Variants in ARFGAP3 observed in about 807,000 individuals in gnomAD.
The protein encoded by ARFGAP3 is ARF GTPase activating protein 3.
In ARFGAP3, 72 loss-of-function variants were observed where a neutral mutation model predicts 75.0. The observed-to-expected ratio is 0.96, with a 90% CI of 0.79 to 1.17. ARFGAP3 has a LOEUF of 1.17. Among genes scored for constraint, ARFGAP3 ranks in the 50% most tolerant of loss-of-function variants. ARFGAP3 has a pLI of 0.00. For synonymous variants in ARFGAP3, 221 were observed against 217.9 expected (o/e 1.01, Z -0.13); for missense variants, 620 against 626.6 (o/e 0.99, Z 0.11).
Position 42,817,843 on chromosome 22 carries a change from C to T in ARFGAP3, c.827G>A (p.Arg276Gln), listed in dbSNP as rs144361548. 39 of 1,606,472 alleles carry T rather than the reference C, an allele frequency of 2.4e-5. No individual in the cohort carries two copies. Among genetic ancestry groups the T allele is most frequent in the South Asian group, 3.3e-5 (3 of 89,854 alleles). The change falls in exon 10 of 16, where the codon CGA becomes CAA. Residue 276 changes from arginine to glutamine, a missense_variant. Arg to Gln is a conservative substitution (Grantham distance 43). Transcript: ENST00000263245. The part of the protein sequence containing the change: ...SKEESIVSSL[R>Q]LAYKDLEIQM... The stretch of plus-strand genomic sequence containing the variant: ...AATTTCAAGATCCTTATAGGCTAAT[C>T]GTAATGATGAAACACTGCCAGAAAA...
Position 42,822,351 on chromosome 22 carries a change from T to TAAACA in ARFGAP3, c.730_731insTGTTT (p.Glu244ValfsTer14). Reference sequence around the variant, plus strand: ...CGCAGCTTGAGCTTGTTTTTCAATTTCATTAAAGCATGTGTTTGCCAGTTT... The same window carrying TAAACA: ...CGCAGCTTGAGCTTGTTTTTCAATTTAAACACATTAAAGCATGTGTTTGCCAGTTT... On this transcript the variant is annotated frameshift_variant, in exon 9 of 16. Coordinates refer to ENST00000263245, the MANE Select transcript of ARFGAP3 (RefSeq NM_014570.5). LOFTEE classifies it high-confidence loss of function. The TAAACA allele has an allele frequency of 6.2e-7, 1 of 1,614,210 alleles. No individual in the cohort carries two copies. The highest frequency in any genetic ancestry group is 8.5e-7 in the Non-Finnish European group (1 of 1,180,042).
At chr22:42,820,726 T>C (rs1450511781) in intron 9 of ARFGAP3, among the ~76,000 whole-genome samples, 3 of 151,984 alleles carry the variant, frequency 2.0e-5, no homozygotes, top group East Asian at 1.9e-4. Context: ...CCTTTCTGTG[T>C]AGCATGCACC....
In ARFGAP3 at chr22:42,797,301, G is replaced by A. The variant is rs2146517579; in HGVS notation, c.*287C>T. The A allele has an allele frequency of 4.7e-6, 2 of 427,938 alleles. No homozygotes were observed. Among genetic ancestry groups the A allele is most frequent in the East Asian group, 4.7e-5 (1 of 21,064 alleles). The allele number at this position is 427,938 out of a possible 1,614,324, so 26.5% of individuals were successfully genotyped here. On this transcript the variant is annotated 3_prime_UTR_variant, in exon 16 of 16. Coordinates refer to ENST00000263245, the MANE Select transcript of ARFGAP3 (RefSeq NM_014570.5). ...GAGCAGGAGGAGCCGAGGTCTCCAG[G>A]CCCTCAGTGTTGAAATCAAAGGTTC...
chr22:42,810,727 G>T, intron 12 of ARFGAP3, 86 bp downstream of exon 12: 1 of 1,190,394 alleles, frequency 8.4e-7, no homozygotes, highest in Non-Finnish European at 1.2e-6. Flanking sequence ...CCCCTTACAA[G>T]GGTTTTCATG....
At chr22:42,805,732 G>A (rs569802038) in intron 14 of ARFGAP3, among the ~76,000 whole-genome samples, 1 of 152,308 alleles carries the variant, frequency 6.6e-6, no homozygotes, top group Admixed American at 6.5e-5. Context: ...AGTGGCTCAG[G>A]GGAGCCGTGG....
intron 1 of ARFGAP3, among the ~76,000 whole-genome samples, chr22:42,848,882 T>C (rs1340092364): frequency 3.3e-5 from 5 of 152,212 alleles, no homozygotes; most frequent in African/African-American, 7.2e-5. Context: ...GAAATGACCA[T>C]GTCATTTTTG....
At chr22:42,817,294 G>A (rs1569145513) in intron 10 of ARFGAP3, 30 bp from the exon 11 acceptor site, 1 of 1,560,830 alleles carries the variant, frequency 6.4e-7, no homozygotes. Flanking sequence ...ATATATATCA[G>A]TAAGTTCACA....
intron 2 of ARFGAP3, among the ~76,000 whole-genome samples, chr22:42,841,845 G>C (rs1306311236): frequency 6.7e-6 from 1 of 150,078 alleles, no homozygotes; most frequent in Non-Finnish European, 1.5e-5. Flanking sequence ...CCTTTGTGCT[G>C]CCCTTATATT....
intron 2 of ARFGAP3, among the ~76,000 whole-genome samples, chr22:42,845,864 C>T (rs1926993005): frequency 2.0e-5 from 3 of 151,874 alleles, no homozygotes; most frequent in Non-Finnish European, 2.9e-5. Flanking sequence ...AAGGTGAAAG[C>T]CCATCTCTAC....
chr22:42,810,174 A>C (rs769997355), intron 12 of ARFGAP3, among the ~76,000 whole-genome samples: 4 of 151,658 alleles, frequency 2.6e-5, no homozygotes, highest in Non-Finnish European at 5.9e-5. Context: ...TCAGTAATTT[A>C]AAATCAAAAC....
intron 1 of ARFGAP3, chr22:42,847,863 A>G (rs1212964136): frequency 5.8e-6 from 1 of 173,700 alleles, no homozygotes; most frequent in Non-Finnish European, 1.1e-5. Flanking sequence ...TAATTACTAT[A>G]TTATGTATTT....
chr22:42,830,118 T>G lies in ARFGAP3; in HGVS notation c.565+1431A>C, dbSNP rs536925851. Among the ~76,000 whole-genome samples, 4 of 152,234 alleles carry G rather than the reference T, an allele frequency of 2.6e-5. No individual in the cohort carries two copies. The East Asian group carries it at 7.7e-4, about 29-fold the overall frequency. ...ATACAAAGGAAGCGACTCCTTTTCT[T>G]TTTCTTCTTATTTTTTTTAGAGTCC... On this transcript the variant is annotated intron_variant, in intron 6 of 15. Coordinates refer to ENST00000263245, the MANE Select transcript of ARFGAP3 (RefSeq NM_014570.5).
chr22:42,826,834 A>G (rs1408557865), intron 7 of ARFGAP3, 106 bp downstream of exon 7: 2 of 797,392 alleles, frequency 2.5e-6, no homozygotes, highest in East Asian at 5.3e-5. Flanking sequence ...GGTCATGATT[A>G]TATTACTCCG....
intron 14 of ARFGAP3, among the ~76,000 whole-genome samples, chr22:42,802,880 G>A (rs917151675): frequency 1.3e-5 from 2 of 152,154 alleles, no homozygotes; most frequent in Non-Finnish European, 2.9e-5. Context: ...GATTACAGGC[G>A]TGAGCCACCA....
In ARFGAP3 at chr22:42,809,742, G is replaced by A. The variant is rs191758907; in HGVS notation, c.1197-852C>T. 4.8e-3 allele frequency among the ~76,000 whole-genome samples: 724 copies of A among 151,702 alleles called. 4 individuals carry two copies. The highest frequency in any genetic ancestry group is 0.017 in the African/African-American group (706 of 41,386). On this transcript the variant is annotated intron_variant, in intron 12 of 15. Coordinates refer to ENST00000263245, the MANE Select transcript of ARFGAP3 (RefSeq NM_014570.5). ...AAAAAGGCCGGGTGCGGTGGCTCAC[G>A]CCTGTAATCCCAGCACTGTGGGAGG... is the stretch of plus-strand genomic sequence containing the variant.
chr22:42,808,419 T>G (rs1925222013), intron 13 of ARFGAP3, among the ~76,000 whole-genome samples: 2 of 151,098 alleles, frequency 1.3e-5, no homozygotes, highest in Non-Finnish European at 2.9e-5. Context: ...AAGAAACATA[T>G]CTATGTGCTT....
At chr22:42,805,986 A>G (rs1569135904) in intron 14 of ARFGAP3, among the ~76,000 whole-genome samples, 1 of 152,022 alleles carries the variant, frequency 6.6e-6, no homozygotes, top group Non-Finnish European at 1.5e-5. Flanking sequence ...ACATCCCCAA[A>G]CCACAACCCA....
chr22:42,840,961 C>T lies in ARFGAP3; in HGVS notation c.244G>A (p.Gly82Arg), dbSNP rs568608523. ...SWFQLRCMQV[G>R]GNASASSFFH... ...GAACTTACTGCACTAGCGTTTCCTC[C>T]GACTTGCATGCATCGCAACTGAAAC... Residue 82 changes from glycine to arginine, a missense_variant, in exon 3 of 16, where the codon GGA (glycine) becomes AGA (arginine). Gly to Arg is a moderately radical substitution (Grantham distance 125, BLOSUM62 -2). Transcript: ENST00000263245. 2.8e-5 allele frequency: 45 copies of T among 1,614,076 alleles called. No individual in the cohort carries two copies. The Admixed American group carries it at 3.8e-4, about 14-fold the overall frequency.
intron 7 of ARFGAP3, among the ~76,000 whole-genome samples, chr22:42,825,261 G>C (rs113516647): frequency 0.039 from 5,862 of 152,192 alleles, 160 homozygotes; most frequent in African/African-American, 0.074. Flanking sequence ...GCTCAAAAAA[G>C]TAATAACAAT....
Sources: gnomAD v4.1 joint callset for allele counts (sites outside exome capture counted in the v4.1 genomes callset) on GRCh38, gnomAD v4.1.1 for gene constraint, MANE v1.5 for transcripts, NCBI Gene and HGNC (gene_info 2026-07-23, HGNC 2026-07-21) for gene names.